DNAI3: variants seen among roughly 807,000 people sequenced by gnomAD.
The protein encoded by DNAI3 is dynein axonemal intermediate chain 3.
A neutral mutation model predicts 115.5 loss-of-function variants in DNAI3; 83 were observed. That is an observed-to-expected ratio of 0.72 (90% CI 0.60 to 0.86). The LOEUF (loss-of-function observed/expected upper bound fraction) is 0.86. DNAI3 is among the 40% of genes least tolerant of loss of function. DNAI3 has a pLI of 0.00. For missense variants in DNAI3, 1,004 were observed against 1,075.8 expected, an observed-to-expected ratio of 0.93 and a Z score of 0.93; for synonymous variants, 320 against 347.0, an observed-to-expected ratio of 0.92 and a Z score of 0.86.
At chr1:85,068,157 C>G (rs899149513) in intron 1 of DNAI3, among the ~76,000 whole-genome samples, 2 of 150,826 alleles carry the variant, frequency 1.3e-5, no homozygotes, top group Admixed American at 1.3e-4. Context: ...GTTCACTGTG[C>G]TAGTTACAGG....
chr1:85,092,238 A>G (rs922584952), intron 8 of DNAI3, among the ~76,000 whole-genome samples: 1 of 152,174 alleles, frequency 6.6e-6, no homozygotes, highest in South Asian at 2.1e-4. Flanking sequence ...TCTATTTTGA[A>G]AGATGAAATA....
chr1:85,072,660 A>AT (rs1217442291), intron 2 of DNAI3, among the ~76,000 whole-genome samples: 3 of 89,148 alleles, frequency 3.4e-5, no homozygotes, highest in East Asian at 2.7e-4. Context: ...AAAAAGAAAA[A>AT]TAAAAAAAAG....
At chr1:85,113,789 G>A (rs889020311) in intron 16 of DNAI3, among the ~76,000 whole-genome samples, 8 of 152,022 alleles carry the variant, frequency 5.3e-5, no homozygotes, top group African/African-American at 1.2e-4. Context: ...GAGAATTAGC[G>A]TCTAACAAAA....
intron 16 of DNAI3, among the ~76,000 whole-genome samples, chr1:85,117,147 T>C (rs1416316086): frequency 2.0e-5 from 3 of 152,134 alleles, no homozygotes; most frequent in Admixed American, 2.0e-4. Context: ...TATCATATTT[T>C]CAAAAATCTA....
chr1:85,121,891 CAG>C (rs1162057506), intron 18 of DNAI3, 77 bp downstream of exon 18: 6 of 1,486,976 alleles, frequency 4.0e-6, no homozygotes, highest in Non-Finnish European at 4.7e-6. Context: ...TCATGCAGTA[CAG>C]AGTCACCCTG....
In DNAI3 at chr1:85,085,930, A is replaced by G; in HGVS notation, c.640A>G (p.Thr214Ala). 6.2e-7 allele frequency: 1 copy of G among 1,614,184 alleles called. No individual in the cohort carries two copies. The highest frequency in any genetic ancestry group is 1.3e-5 in the African/African-American group (1 of 75,062). ...TGTAAAAGATGCCTATATTGAATGT[A>G]CAGCCTACCCAGATAAAAATTTTAC... ...SSVKDAYIEC[T>A]AYPDKNFTLK... Residue 214 changes from threonine to alanine, a missense_variant, in exon 7 of 23, where the codon ACA becomes GCA. Physicochemically the swap from Thr to Ala is moderately conservative, Grantham distance 58 (BLOSUM62 0). Transcript: ENST00000294664.
chr1:85,074,833 A>G (rs987597447), intron 3 of DNAI3, among the ~76,000 whole-genome samples: 5 of 152,150 alleles, frequency 3.3e-5, no homozygotes, highest in Non-Finnish European at 7.4e-5. Context: ...AAGACTCCTT[A>G]TTTAATGTAT....
chr1:85,097,431 T>C, intron 11 of DNAI3, 138 bp from the exon 12 acceptor site: 1 of 566,328 alleles, frequency 1.8e-6, no homozygotes, highest in South Asian at 7.4e-5. Flanking sequence ...AATTGCTGAC[T>C]TACTTAAGAT....
chr1:85,126,735 A>G lies in DNAI3; in HGVS notation c.2317+20A>G. On this transcript the variant is annotated intron_variant, in intron 20 of 22. Coordinates refer to ENST00000294664, the MANE Select transcript of DNAI3 (RefSeq NM_145172.5). ...TTTCTTGTATGTTAATTCTAACTAA[A>G]TAAGCTAAGTCATTTTGGGTAACTC... 1 of 1,613,524 alleles carries G rather than the reference A, an allele frequency of 6.2e-7. No homozygotes were observed. Among genetic ancestry groups the G allele is most frequent in the African/African-American group, 1.3e-5 (1 of 75,020 alleles).
rs565156741 is a variant in DNAI3 at position 85,122,613 on chromosome 1, C to T, written c.1981+799C>T. Among the ~76,000 whole-genome samples the T allele has an allele frequency of 2.6e-5, 4 of 152,324 alleles. No homozygotes were observed. The South Asian group carries it at 8.3e-4, about 32-fold the overall frequency. On this transcript the variant is annotated intron_variant, in intron 18 of 22. Transcript: ENST00000294664. Reference sequence around the variant, plus strand: ...GGACTGCTAGGCCCACAAAGGCTTGCAAGAAGTCTTCAGAACACCATGAGG... The same window carrying T: ...GGACTGCTAGGCCCACAAAGGCTTGTAAGAAGTCTTCAGAACACCATGAGG...
chr1:85,085,995 C>T lies in DNAI3; in HGVS notation c.705C>T (p.Ile235=). 2 of 1,613,996 alleles carry T rather than the reference C, an allele frequency of 1.2e-6. No homozygotes were observed. The highest frequency in any genetic ancestry group is 1.7e-6 in the Non-Finnish European group (2 of 1,179,976). ...AAAAAGATGTTGGCATGCAAGTAAT[C>T]CCCCAAATAAAGGACATAAGCACTC... ...QLEKDVGMQV[I]PQIKDISTQT... Residue 235 remains isoleucine, a synonymous_variant, in exon 7 of 23, where the codon ATC becomes ATT. Coordinates refer to ENST00000294664, the MANE Select transcript of DNAI3 (RefSeq NM_145172.5).
chr1:85,068,739 C>T (rs1048464709), intron 1 of DNAI3, among the ~76,000 whole-genome samples: 2 of 152,192 alleles, frequency 1.3e-5, no homozygotes, highest in African/African-American at 4.8e-5. Flanking sequence ...CCAGCCACTA[C>T]CTCCCGTACC....
At chr1:85,066,217 A>G (rs1654090310) in intron 1 of DNAI3, among the ~76,000 whole-genome samples, 1 of 151,546 alleles carries the variant, frequency 6.6e-6, no homozygotes, top group African/African-American at 2.4e-5. Flanking sequence ...TTTGAAATAC[A>G]CTCAGCTCTA....
chr1:85,082,423 C>T lies in DNAI3; in HGVS notation c.390+19C>T. The T allele has an allele frequency of 6.3e-7, 1 of 1,586,832 alleles. No homozygotes were observed. The highest frequency in any genetic ancestry group is 1.3e-5 in the African/African-American group (1 of 74,264). On this transcript the variant is annotated intron_variant, in intron 5 of 22. Coordinates refer to ENST00000294664, the MANE Select transcript of DNAI3 (RefSeq NM_145172.5). ...TTTAAATGTGAGCAAACCCCAAGCC[C>T]TTGTAATTTGTTTGTTTTTGTTGTG...
At chr1:85,117,057 T>C (rs1655844685) in intron 16 of DNAI3, among the ~76,000 whole-genome samples, 1 of 152,140 alleles carries the variant, frequency 6.6e-6, no homozygotes, top group South Asian at 2.1e-4. Context: ...GTAATATGAC[T>C]CAGAGGACAT....
chr1:85,091,767 T>C (rs1011271329), intron 8 of DNAI3, among the ~76,000 whole-genome samples: 2 of 152,182 alleles, frequency 1.3e-5, no homozygotes, highest in African/African-American at 4.8e-5. Context: ...TTAAAATTCC[T>C]AGACAACAGT....
chr1:85,131,522 A>T (rs1281603273), intron 22 of DNAI3, among the ~76,000 whole-genome samples: 5 of 152,040 alleles, frequency 3.3e-5, no homozygotes, highest in Non-Finnish European at 7.3e-5. Flanking sequence ...AATTAACATT[A>T]TCACTCATTG....
chr1:85,121,178 T>C (rs1222803857), intron 17 of DNAI3, among the ~76,000 whole-genome samples: 1 of 152,220 alleles, frequency 6.6e-6, no homozygotes, highest in Non-Finnish European at 1.5e-5. Flanking sequence ...TGCATGACTG[T>C]TTCTTCCTCT....
chr1:85,081,493 T>C, intron 4 of DNAI3, 78 bp downstream of exon 4: 2 of 1,391,198 alleles, frequency 1.4e-6, no homozygotes, highest in Middle Eastern at 1.9e-4. Context: ...TTGGAGAGGT[T>C]GTTGGTTCAA....
Sources: allele counts gnomAD v4.1 joint callset (sites outside exome capture counted in the v4.1 genomes callset), GRCh38; gene constraint gnomAD v4.1.1; transcripts MANE v1.5; gene names NCBI Gene and HGNC (gene_info 2026-07-23, HGNC 2026-07-21).